Variants in FBXL2 observed in about 807,000 individuals in gnomAD.
FBXL2 encodes the protein F-box/LRR-repeat protein 2.
FBXL2 carries 38 observed loss-of-function variants against 69.2 expected under a neutral mutation model. That is an observed-to-expected ratio of 0.55 (90% CI 0.42 to 0.72). The LOEUF (loss-of-function observed/expected upper bound fraction) is 0.72. Ranked by LOEUF, FBXL2 falls within the 30% of genes least tolerant of loss-of-function variation. The pLI, the probability that FBXL2 is intolerant of heterozygous loss-of-function variation, is 0.00. For missense variants in FBXL2, 354 were observed against 520.3 expected (o/e 0.68, Z 3.11); for synonymous variants, 192 against 201.3 (o/e 0.95, Z 0.39).
intron 2 of FBXL2, among the ~76,000 whole-genome samples, chr3:33,330,166 C>A (rs2039036678): frequency 6.6e-6 from 1 of 151,818 alleles, no homozygotes; most frequent in African/African-American, 2.4e-5. Context: ...GCCTTTAGCC[C>A]CAGCTACTGA....
upstream of FBXL2, chr3:33,277,403 C>A: frequency 8.5e-7 from 1 of 1,181,056 alleles, no homozygotes; most frequent in Non-Finnish European, 1.1e-6. Flanking sequence ...TGGCCGCCTC[C>A]GAGCCCACCT....
chr3:33,376,193 C>T (rs9854827), intron 10 of FBXL2, among the ~76,000 whole-genome samples: 61,062 of 151,478 alleles, frequency 0.4, 13,780 homozygotes, highest in East Asian at 0.59. Context: ...TTTGTATTCT[C>T]ATCCTCAAGG....
intron 12 of FBXL2, chr3:33,396,591 AC>A (rs554539119): frequency 2.5e-5 from 10 of 403,786 alleles, no homozygotes; most frequent in Non-Finnish European, 4.6e-5. Flanking sequence ...GAATTCTCAC[AC>A]CACAAGTATA....
chr3:33,420,714 C>T, the FBXL2 span, among the ~76,000 whole-genome samples: 7 of 152,136 alleles, frequency 4.6e-5, no homozygotes, highest in Non-Finnish European at 1.0e-4. Flanking sequence ...ATCTCGATCT[C>T]TCGACCTCGT....
chr3:33,385,603 C>G lies in FBXL2; in HGVS notation c.1267C>G (p.Leu423Val), dbSNP rs749129590. Reference sequence around the variant, plus strand: ...GCGACTGTGCAGGTGCTGTGTCATTCTCTGACAGCAGCTGCCTGGGCCCAA... The same window carrying G: ...GCGACTGTGCAGGTGCTGTGTCATTGTCTGACAGCAGCTGCCTGGGCCCAA... ...GQRLCRCCVI[L>V] The change falls in exon 15 of 15, where the codon CTC (leucine) becomes GTC (valine). Residue 423 changes from leucine (L) to valine (V), a missense_variant. Coordinates refer to ENST00000484457, the MANE Select transcript of FBXL2 (RefSeq NM_012157.5). 6.2e-7 allele frequency: 1 copy of G among 1,613,510 alleles called. No individual in the cohort carries two copies. The highest frequency in any genetic ancestry group is 2.2e-5 in the East Asian group (1 of 44,890).
rs184208798 is a variant in FBXL2, at chr3:33,339,278, G to A, written c.66-19689G>A. 1.4e-3 allele frequency among the ~76,000 whole-genome samples: 211 copies of A among 152,268 alleles called. 1 individual carries two copies. The highest frequency in any genetic ancestry group is 3.0e-3 in the Admixed American group (46 of 15,272). On this transcript the variant is annotated intron_variant, in intron 2 of 14. Coordinates refer to ENST00000484457, the MANE Select transcript of FBXL2 (RefSeq NM_012157.5). The stretch of plus-strand genomic sequence containing the variant: ...AGCTATTATTAAAATTCAAAAAACA[G>A]ATGCTGATGAGGATGCAGAGAGAGG...
At chr3:33,326,396 G>A (rs574277904) in intron 2 of FBXL2, among the ~76,000 whole-genome samples, 1 of 152,044 alleles carries the variant, frequency 6.6e-6, no homozygotes, top group South Asian at 2.1e-4. Context: ...CCAGCTACTG[G>A]GGAGGCTGAG....
In FBXL2 at chr3:33,299,568, T is replaced by G. The variant is rs370790090; in HGVS notation, c.65+1843T>G. 5.3e-5 allele frequency among the ~76,000 whole-genome samples: 8 copies of G among 152,296 alleles called. No individual in the cohort carries two copies. In the East Asian group the frequency reaches 1.5e-3, roughly 29 times the overall value. On this transcript the variant is annotated intron_variant, in intron 2 of 14. Coordinates refer to ENST00000484457, the MANE Select transcript of FBXL2 (RefSeq NM_012157.5). ...ATTACTCACATTTGCTGTCATCAGG[T>G]TATTAAGACATTTTTCCTTCAGTTA...
intron 12 of FBXL2, among the ~76,000 whole-genome samples, chr3:33,399,926 A>G (rs2154055831): frequency 6.6e-6 from 1 of 152,352 alleles, no homozygotes; most frequent in Middle Eastern, 3.4e-3. Context: ...ATGTAAAACT[A>G]TATACACCTA....
intron 2 of FBXL2, among the ~76,000 whole-genome samples, chr3:33,305,224 A>G (rs1366816752): frequency 1.3e-5 from 2 of 151,730 alleles, no homozygotes; most frequent in Non-Finnish European, 2.9e-5. Context: ...AGTCACATGT[A>G]TTTTCTTCTG....
chr3:33,416,802 G>A, the FBXL2 span: 1 of 1,613,406 alleles, frequency 6.2e-7, no homozygotes, highest in East Asian at 2.2e-5. Flanking sequence ...CCCATTTTCC[G>A]ATTATCCAGC....
At chr3:33,360,205 T>G (rs1017816609) in intron 4 of FBXL2, among the ~76,000 whole-genome samples, 5 of 152,168 alleles carry the variant, frequency 3.3e-5, no homozygotes, top group Non-Finnish European at 2.9e-5. Flanking sequence ...TTTACCAAGA[T>G]GTATATATTG....
At chr3:33,343,423 TAAAA>T (rs1357935401) in intron 2 of FBXL2, among the ~76,000 whole-genome samples, 1 of 151,996 alleles carries the variant, frequency 6.6e-6, no homozygotes, top group African/African-American at 2.4e-5. Flanking sequence ...TTTAGATTAA[TAAAA>T]AACTTTAAAA....
intron 2 of FBXL2, among the ~76,000 whole-genome samples, chr3:33,342,708 C>CTTTTTTT (rs1559572672): frequency 1.3e-5 from 1 of 74,284 alleles, no homozygotes; most frequent in African/African-American, 5.3e-5. Flanking sequence ...ACAAATATAA[C>CTTTTTTT]TTCTTTTTTT....
At position 33,344,789 on chromosome 3, in the gene FBXL2, G is replaced by T. The variant is rs79079218; in HGVS notation, c.66-14178G>T. Among the ~76,000 whole-genome samples the T allele has an allele frequency of 9.2e-3, 1,406 of 152,234 alleles. 19 individuals are homozygous for T. Among genetic ancestry groups the T allele is most frequent in the African/African-American group, 0.032 (1,313 of 41,540 alleles). On this transcript the variant is annotated intron_variant, in intron 2 of 14. Coordinates refer to ENST00000484457, the MANE Select transcript of FBXL2 (RefSeq NM_012157.5). ...AAGCCCAAAAGTGGTCTTTTGAAAA[G>T]ATTAATTGATAAATTCTTACTAAAA...
At chr3:33,280,933 A>C (rs2033928307) in intron 1 of FBXL2, among the ~76,000 whole-genome samples, 1 of 152,092 alleles carries the variant, frequency 6.6e-6, no homozygotes, top group Admixed American at 6.5e-5. Flanking sequence ...TCCTATTTTG[A>C]CACTTCTCTC....
chr3:33,286,198 A>G (rs1214606833), intron 1 of FBXL2, among the ~76,000 whole-genome samples: 3 of 152,116 alleles, frequency 2.0e-5, no homozygotes, highest in Admixed American at 6.6e-5. Flanking sequence ...GATGATGGTG[A>G]TGTACAGATA....
intron 1 of FBXL2, chr3:33,289,675 C>T: frequency 1.2e-6 from 1 of 824,192 alleles, no homozygotes; most frequent in South Asian, 5.6e-5. Flanking sequence ...TGAGGAGTTC[C>T]AGCTACAGTG....
At chr3:33,307,455 A>G (rs770196136) in intron 2 of FBXL2, among the ~76,000 whole-genome samples, 9 of 152,166 alleles carry the variant, frequency 5.9e-5, no homozygotes, top group Non-Finnish European at 1.3e-4. Context: ...CCTGAATTGG[A>G]TCCTGGGTCA....
Sources: allele counts gnomAD v4.1 joint callset (sites outside exome capture counted in the v4.1 genomes callset), GRCh38; gene constraint gnomAD v4.1.1; transcripts MANE v1.5; gene names NCBI Gene and HGNC (gene_info 2026-07-23, HGNC 2026-07-21).